CLIP2: variants seen among roughly 807,000 people sequenced by gnomAD.
The protein encoded by CLIP2 is CAP-Gly domain containing linker protein 2, also known as CAP-Gly domain-containing linker protein 2.
CLIP2 carries 41 observed loss-of-function variants against 111.7 expected under a neutral mutation model. The observed-to-expected ratio is 0.37, with a 90% CI of 0.29 to 0.48. CLIP2 has a LOEUF of 0.48. Among genes scored for constraint, CLIP2 ranks in the 20% least tolerant of loss-of-function variants. The pLI, the probability that CLIP2 is intolerant of heterozygous loss-of-function variation, is 0.99. For synonymous variants in CLIP2, 660 were observed against 644.2 expected, an observed-to-expected ratio of 1.02 and a Z score of -0.37; for missense variants, 1,160 against 1,422.1, an observed-to-expected ratio of 0.82 and a Z score of 2.96.
chr7:74,368,932 G>A (rs1379626419), intron 8 of CLIP2, among the ~76,000 whole-genome samples: 4 of 152,184 alleles, frequency 2.6e-5, no homozygotes. Context: ...TGTAAATCAG[G>A]CCGGGTGCAG....
At chr7:74,291,551 C>G (rs11976599) in intron 1 of CLIP2, among the ~76,000 whole-genome samples, 1 of 152,084 alleles carries the variant, frequency 6.6e-6, no homozygotes, top group South Asian at 2.1e-4. Context: ...CTTATGGTAT[C>G]TGGCTTTTAG....
chr7:74,397,050 GT>G, intron 13 of CLIP2, 23 bp from the exon 14 acceptor site: 1 of 1,610,996 alleles, frequency 6.2e-7, no homozygotes. Flanking sequence ...GAGTGCAGTG[GT>G]TCTGTGCCCG....
chr7:74,385,749 TTTTTTTTTTTGAGACA>T (rs1791074354), intron 11 of CLIP2, among the ~76,000 whole-genome samples: 1 of 149,928 alleles, frequency 6.7e-6, no homozygotes, highest in East Asian at 1.9e-4. Flanking sequence ...TTTTTTTTTT[TTTTTTTTTTTGAGACA>T]GAGTTTCGCT....
At chr7:74,293,419 C>T (rs1425451080) in intron 1 of CLIP2, among the ~76,000 whole-genome samples, 2 of 152,100 alleles carry the variant, frequency 1.3e-5, no homozygotes, top group Non-Finnish European at 2.9e-5. Flanking sequence ...GTGAGTGTGG[C>T]TGTGTTGAAT....
At chr7:74,320,725 C>T (rs1012482495) in intron 2 of CLIP2, among the ~76,000 whole-genome samples, 1 of 152,032 alleles carries the variant, frequency 6.6e-6, no homozygotes, top group Non-Finnish European at 1.5e-5. Flanking sequence ...GGAAGACTTC[C>T]TGGAAGAAGC....
chr7:74,296,085 A>G (rs1387669125), intron 1 of CLIP2, among the ~76,000 whole-genome samples: 1 of 152,086 alleles, frequency 6.6e-6, no homozygotes, highest in Admixed American at 6.6e-5. Context: ...TCCTCATCCA[A>G]TATGACCATT....
intron 7 of CLIP2, 48 bp from the exon 8 acceptor site, chr7:74,364,207 G>A (rs373456324): frequency 1.7e-5 from 26 of 1,567,988 alleles, no homozygotes; most frequent in Non-Finnish European, 2.1e-5. Context: ...GGTGAATCCC[G>A]TTGCTCTGGG....
intron 1 of CLIP2, among the ~76,000 whole-genome samples, chr7:74,298,006 G>A (rs1354268295): frequency 1.3e-5 from 2 of 151,788 alleles, no homozygotes; most frequent in African/African-American, 2.4e-5. Context: ...CCTAGGTACC[G>A]AGAACCCAGC....
At chr7:74,381,029 G>A (rs1485058557) in intron 11 of CLIP2, 166 bp downstream of exon 11, 6 of 612,140 alleles carry the variant, frequency 9.8e-6, no homozygotes, top group South Asian at 6.3e-5. Flanking sequence ...GCCAGTTTAC[G>A]GAGGGATAGG....
chr7:74,308,244 A>T (rs1788548663), intron 1 of CLIP2, among the ~76,000 whole-genome samples: 1 of 152,044 alleles, frequency 6.6e-6, no homozygotes, highest in Non-Finnish European at 1.5e-5. Context: ...GGTGGTAAGG[A>T]CTGCAGGGTC....
chr7:74,306,296 G>C (rs1788486321), intron 1 of CLIP2, among the ~76,000 whole-genome samples: 1 of 152,154 alleles, frequency 6.6e-6, no homozygotes, highest in Admixed American at 6.5e-5. Flanking sequence ...CTCAGGAAGT[G>C]TGGGCATGAG....
chr7:74,385,399 G>A (rs1030339471), intron 11 of CLIP2, among the ~76,000 whole-genome samples: 8 of 150,832 alleles, frequency 5.3e-5, no homozygotes, highest in African/African-American at 1.7e-4. Flanking sequence ...CCAGGGGGTC[G>A]AGGCTGCAGT....
intron 3 of CLIP2, among the ~76,000 whole-genome samples, chr7:74,343,422 G>C (rs1789715244): frequency 6.6e-6 from 1 of 152,082 alleles, no homozygotes; most frequent in Non-Finnish European, 1.5e-5. Flanking sequence ...GGCACCTACT[G>C]GGGGTGGGTA....
chr7:74,327,133 C>T (rs2116526693), intron 2 of CLIP2, among the ~76,000 whole-genome samples: 1 of 152,204 alleles, frequency 6.6e-6, no homozygotes, highest in African/African-American at 2.4e-5. Context: ...GAGAGAGTCT[C>T]GCTCTGTTGC....
chr7:74,374,426 C>T (rs2116651139), intron 9 of CLIP2, among the ~76,000 whole-genome samples: 1 of 152,304 alleles, frequency 6.6e-6, no homozygotes, highest in South Asian at 2.1e-4. Flanking sequence ...AACACAAAAA[C>T]AGGGCTGGGT....
chr7:74,404,749 C>T lies in CLIP2; in HGVS notation c.*901C>T, dbSNP rs777088834. ...CCAGATGTTCCAAAATATCTGCATC[C>T]ACCTGGAGATGCAGCTAAGTGGGTC... On this transcript the variant is annotated 3_prime_UTR_variant, in exon 17 of 17. Coordinates refer to ENST00000223398, the MANE Select transcript of CLIP2 (RefSeq NM_003388.5). 5 of 152,256 alleles carry T rather than the reference C, an allele frequency of 3.3e-5. No individual in the cohort carries two copies. The highest frequency in any genetic ancestry group is 7.3e-5 in the Non-Finnish European group (5 of 68,062). 9.4% of individuals were successfully genotyped at this position (152,256 alleles called of 1,614,324 possible).
chr7:74,332,127 G>C (rs545219149), intron 2 of CLIP2, among the ~76,000 whole-genome samples: 3 of 152,134 alleles, frequency 2.0e-5, no homozygotes, highest in Admixed American at 2.0e-4. Context: ...AGGCTGGAGT[G>C]AAGTGATGCG....
At chr7:74,326,391 C>A (rs184623980) in intron 2 of CLIP2, among the ~76,000 whole-genome samples, 1 of 152,178 alleles carries the variant, frequency 6.6e-6, no homozygotes, top group African/African-American at 2.4e-5. Flanking sequence ...CAGCCCCACA[C>A]ATTTGGCTCA....
intron 16 of CLIP2, among the ~76,000 whole-genome samples, chr7:74,403,093 C>A (rs1383559926): frequency 1.3e-5 from 2 of 150,360 alleles, no homozygotes; most frequent in East Asian, 3.9e-4. Context: ...GTGGCACATG[C>A]CTGTAGTCCC....
Sources: gnomAD v4.1 joint callset for allele counts (sites outside exome capture counted in the v4.1 genomes callset) on GRCh38, gnomAD v4.1.1 for gene constraint, MANE v1.5 for transcripts, NCBI Gene and HGNC (gene_info 2026-07-23, HGNC 2026-07-21) for gene names.